The following PRKD2 variants were observed in gnomAD, a reference collection of about 807,000 sequenced individuals.
PRKD2 encodes the protein serine/threonine-protein kinase D2.
PRKD2 carries 22 observed loss-of-function variants against 86.0 expected under a neutral mutation model. That is an observed-to-expected ratio of 0.26 (90% CI 0.18 to 0.37). The LOEUF (loss-of-function observed/expected upper bound fraction) is 0.37. Among genes scored for constraint, PRKD2 ranks in the 10% least tolerant of loss-of-function variants. PRKD2 has a pLI of 1.00. For synonymous variants in PRKD2, 509 were observed against 510.9 expected (o/e 1.00, Z 0.05); for missense variants, 818 against 1,199.2 (o/e 0.68, Z 4.70).
At chr19:46,701,224 G>T in intron 5 of PRKD2, 112 bp from the exon 6 acceptor site, 4 of 1,150,802 alleles carry the variant, frequency 3.5e-6, no homozygotes, top group East Asian at 2.4e-5. Context: ...TTGCTGTCTG[G>T]GTAAGAACAC....
chr19:46,674,900 G>C (rs1276732093), intron 17 of PRKD2, 133 bp downstream of exon 17: 1 of 1,173,240 alleles, frequency 8.5e-7, no homozygotes, highest in African/African-American at 1.5e-5. Context: ...CCTGCACCCA[G>C]CCAATGGGAG....
Position 46,695,346 on chromosome 19 carries a change from G to A in PRKD2, c.1318-1213C>T, listed in dbSNP as rs147304008. Reference sequence around the variant, plus strand: ...CTAAAAATACAAAAATTAGCCAGGCGTGGTGGCACACCTATAATCCTAGCT... The same window carrying A: ...CTAAAAATACAAAAATTAGCCAGGCATGGTGGCACACCTATAATCCTAGCT... On this transcript the variant is annotated intron_variant, in intron 9 of 17. Coordinates refer to ENST00000291281, the MANE Select transcript of PRKD2 (RefSeq NM_016457.5). 4.2e-3 allele frequency among the ~76,000 whole-genome samples: 640 copies of A among 152,334 alleles called. 6 individuals are homozygous for A. Among genetic ancestry groups the A allele is most frequent in the African/African-American group, 0.014 (586 of 41,580 alleles).
intron 3 of PRKD2, chr19:46,709,303 C>CCCAG (rs1227217890): frequency 5.9e-6 from 1 of 169,668 alleles, no homozygotes. Context: ...ACCTTCTCAA[C>CCCAG]CCAGCTTTTC....
intron 15 of PRKD2, among the ~76,000 whole-genome samples, chr19:46,679,002 G>C (rs568845270): frequency 1.3e-5 from 2 of 152,248 alleles, no homozygotes; most frequent in South Asian, 4.1e-4. Flanking sequence ...CCTCCAATGG[G>C]TCGCTGTTTC....
chr19:46,678,742 A>C lies in PRKD2; in HGVS notation c.2071-79T>G. Reference sequence around the variant, plus strand: ...CAGCATCCCCACCACACCACCCTCCATGGTATTCCAGAGAAAGCTGGATGC... The same window carrying C: ...CAGCATCCCCACCACACCACCCTCCCTGGTATTCCAGAGAAAGCTGGATGC... On this transcript the variant is annotated intron_variant, in intron 15 of 17. Transcript: ENST00000291281. This position sits in a 1 kb window ranked among gnomAD's most constrained non-coding sequence, Gnocchi z 5.7. 6.8e-7 allele frequency: 1 copy of C among 1,468,608 alleles called. No individual in the cohort carries two copies. Among genetic ancestry groups the C allele is most frequent in the Non-Finnish European group, 9.2e-7 (1 of 1,092,870 alleles). 91.0% of individuals were successfully genotyped at this position (1,468,608 alleles called of 1,614,324 possible).
chr19:46,707,095 T>C (rs1045092116), intron 3 of PRKD2, among the ~76,000 whole-genome samples: 1 of 150,024 alleles, frequency 6.7e-6, no homozygotes, highest in African/African-American at 2.4e-5. Context: ...GGTTTCACCA[T>C]GTTGGCCAGG....
At chr19:46,698,394 T>C (rs1373143522) in intron 7 of PRKD2, among the ~76,000 whole-genome samples, 2 of 152,196 alleles carry the variant, frequency 1.3e-5, no homozygotes, top group African/African-American at 4.8e-5. Flanking sequence ...GTAGTAGGCC[T>C]TTCTGAAGTC....
chr19:46,675,990 C>T (rs1263085870), intron 16 of PRKD2, among the ~76,000 whole-genome samples: 2 of 152,112 alleles, frequency 1.3e-5, no homozygotes, highest in Non-Finnish European at 2.9e-5. Context: ...AACTCCTGGG[C>T]TCAAGCAATC....
chr19:46,681,588 AC>A, intron 15 of PRKD2, 61 bp downstream of exon 15: 2 of 250,472 alleles, frequency 8.0e-6, no homozygotes, highest in South Asian at 2.5e-5. Context: ...CCCCTTCCCC[AC>A]CCCCACCCCG....
At chr19:46,675,389 T>C (rs1671594758) in intron 16 of PRKD2, among the ~76,000 whole-genome samples, 1 of 152,208 alleles carries the variant, frequency 6.6e-6, no homozygotes, top group South Asian at 2.1e-4. Context: ...CACCTTTTTT[T>C]TTCTTTTTGT....
chr19:46,694,392 C>T (rs908486761), intron 9 of PRKD2, among the ~76,000 whole-genome samples: 4 of 151,934 alleles, frequency 2.6e-5, no homozygotes, highest in South Asian at 2.1e-4. Flanking sequence ...GTCAGGAGTT[C>T]GAGACCAGCC....
Position 46,697,787 on chromosome 19 carries a change from G to C in PRKD2, c.1185C>G (p.Ser395=). 6.2e-7 allele frequency: 1 copy of C among 1,614,128 alleles called. No homozygotes were observed. The highest frequency in any genetic ancestry group is 8.5e-7 in the Non-Finnish European group (1 of 1,180,018). The change falls in exon 8 of 18, where the codon TCC becomes TCG. Residue 395 remains serine (S), a synonymous_variant. Transcript: ENST00000291281. ...CCCAACCCTCCCGCAGCGTGGTGCT[G>C]GATTTCCGCGTCGTGTGTCGCACCG... is the stretch of plus-strand genomic sequence containing the variant. The part of the protein sequence containing the change: ...VQSVRHTTRK[S]STTLREGWVV...
At chr19:46,702,038 G>GTTTTTTT (rs869093299) in intron 5 of PRKD2, among the ~76,000 whole-genome samples, 8 of 131,660 alleles carry the variant, frequency 6.1e-5, no homozygotes, top group Admixed American at 8.1e-5. Flanking sequence ...TCTGTTTTTT[G>GTTTTTTT]TTTTTTTTTT....
chr19:46,716,356 G>A lies in PRKD2; in HGVS notation c.15C>T (p.Pro5=). MATA[P]SYPAGLPGSP... ...AGCCAGGGAGCCCGGCGGGATAAGA[G>A]GGGGCGGTGGCCATGGGGGGAGGCC... is the stretch of plus-strand genomic sequence containing the variant. The change falls in exon 1 of 18, where the codon CCC becomes CCT. Residue 5 remains proline (P), a synonymous_variant. Coordinates refer to ENST00000291281, the MANE Select transcript of PRKD2 (RefSeq NM_016457.5). This position sits in a 1 kb window ranked among gnomAD's most constrained non-coding sequence, Gnocchi z 7.9. 6.9e-7 allele frequency: 1 copy of A among 1,445,170 alleles called. No homozygotes were observed. Among genetic ancestry groups the A allele is most frequent in the South Asian group, 1.4e-5 (1 of 69,314 alleles). 89.5% of individuals were successfully genotyped at this position (1,445,170 alleles called of 1,614,324 possible).
chr19:46,688,967 A>C (rs1211266897), intron 14 of PRKD2: 1 of 151,824 alleles, frequency 6.6e-6, no homozygotes, highest in Non-Finnish European at 1.5e-5. Context: ...TGCCAAACTT[A>C]ATGAGGACAC....
chr19:46,680,938 ATATATATATTTTT>A (rs1348635627), intron 15 of PRKD2, among the ~76,000 whole-genome samples: 594 of 50,308 alleles, frequency 0.012, 12 homozygotes, highest in African/African-American at 0.03. Context: ...ATATATATAT[ATATATATATTTTT>A]TTTTTTTTTT....
Position 46,674,326 on chromosome 19 carries a change from A to G in PRKD2, c.*197T>C, listed in dbSNP as rs1306378954. The stretch of plus-strand genomic sequence containing the variant: ...TTCGAGAGTGCCGTGTGCTGAGATC[A>G]AGGCCATGGGGCCAGAGATGAGTCC... On this transcript the variant is annotated 3_prime_UTR_variant, in exon 18 of 18. Coordinates refer to ENST00000291281, the MANE Select transcript of PRKD2 (RefSeq NM_016457.5). The G allele has an allele frequency of 1.6e-6, 1 of 606,068 alleles. No individual in the cohort carries two copies. The highest frequency in any genetic ancestry group is 2.9e-6 in the Non-Finnish European group (1 of 346,796). The allele number at this position is 606,068 out of a possible 1,614,324, so 37.5% of individuals were successfully genotyped here. A position where few individuals can be genotyped will look rare whatever the true frequency, so the allele number is the denominator to read the frequency against.
Position 46,716,657 on chromosome 19 carries a change from A to T in PRKD2, c.-287T>A, listed in dbSNP as rs1002391018. 3.4e-6 allele frequency: 1 copy of T among 291,346 alleles called. No homozygotes were observed. The highest frequency in any genetic ancestry group is 5.1e-5 in the Admixed American group (1 of 19,718). 18.0% of individuals were successfully genotyped at this position (291,346 alleles called of 1,614,324 possible). On this transcript the variant is annotated 5_prime_UTR_variant, in exon 1 of 18. Transcript: ENST00000291281. This position sits in a 1 kb window ranked among gnomAD's most constrained non-coding sequence, Gnocchi z 7.9. ...AGCGATTGAGATTCCAAGAAGCCTG[A>T]GAGGAAATCTAGTAGGTCGGGGTCA...
chr19:46,679,398 T>A (rs1412080706), intron 15 of PRKD2, among the ~76,000 whole-genome samples: 1 of 152,162 alleles, frequency 6.6e-6, no homozygotes, highest in Non-Finnish European at 1.5e-5. Flanking sequence ...AGGGTGCTTG[T>A]TTAGACTGAA....
Sources: gnomAD v4.1 joint callset for allele counts (sites outside exome capture counted in the v4.1 genomes callset) on GRCh38, gnomAD v4.1.1 for gene constraint, Gnocchi (gnomAD v3.1) non-coding constraint, MANE v1.5 for transcripts, NCBI Gene and HGNC (gene_info 2026-07-23, HGNC 2026-07-21) for gene names.